EEFSEC: variants seen among roughly 807,000 people sequenced by gnomAD.
The protein encoded by EEFSEC is selenocysteine-specific elongation factor.
Under a neutral mutation model 42.1 loss-of-function variants are expected in EEFSEC, and 43 were observed. The ratio of observed to expected loss-of-function variants is 1.02; its 90% CI spans 0.80 to 1.32. The LOEUF (loss-of-function observed/expected upper bound fraction) is 1.32, where lower values mean the gene tolerates loss of function less well. Among genes scored for constraint, EEFSEC ranks in the 40% most tolerant of loss-of-function variants. The pLI is 0.00. For missense variants in EEFSEC, 745 were observed against 803.6 expected (o/e 0.93, Z 0.88); for synonymous variants, 354 against 339.1 (o/e 1.04, Z -0.48).
chr3:128,360,112 A>G (rs2067505893), intron 6 of EEFSEC, among the ~76,000 whole-genome samples: 1 of 152,198 alleles, frequency 6.6e-6, no homozygotes, highest in Non-Finnish European at 1.5e-5. Flanking sequence ...GCACCCAGCC[A>G]TGGGAGGCCT....
At chr3:128,392,142 C>A (rs1053007640) in intron 6 of EEFSEC, among the ~76,000 whole-genome samples, 4 of 152,222 alleles carry the variant, frequency 2.6e-5, no homozygotes, top group Non-Finnish European at 4.4e-5. Flanking sequence ...AGCCCTCATG[C>A]CCAGTGCTAG....
intron 4 of EEFSEC, among the ~76,000 whole-genome samples, chr3:128,275,789 C>A (rs1407251867): frequency 6.6e-6 from 1 of 152,202 alleles, no homozygotes; most frequent in East Asian, 1.9e-4. Context: ...GAGCTCCTTG[C>A]AGAGAGTCTG....
At chr3:128,237,692 A>C (rs2066027471) in intron 1 of EEFSEC, among the ~76,000 whole-genome samples, 1 of 151,612 alleles carries the variant, frequency 6.6e-6, no homozygotes, top group Non-Finnish European at 1.5e-5. Context: ...GGGGTCCAAC[A>C]CCTCTATTTG....
chr3:128,426,087 G>C, the EEFSEC span, among the ~76,000 whole-genome samples: 1 of 152,212 alleles, frequency 6.6e-6, no homozygotes, highest in Non-Finnish European at 1.5e-5. Context: ...AGGGGCTACT[G>C]TCGCCCCCAG....
chr3:128,256,718 A>T (rs2066245574), intron 2 of EEFSEC, among the ~76,000 whole-genome samples: 1 of 152,228 alleles, frequency 6.6e-6, no homozygotes, highest in African/African-American at 2.4e-5. Context: ...ATTTGGTCTG[A>T]ATACAGTTAA....
intron 1 of EEFSEC, among the ~76,000 whole-genome samples, chr3:128,218,985 G>T (rs539928500): frequency 6.6e-6 from 1 of 152,296 alleles, no homozygotes; most frequent in Non-Finnish European, 1.5e-5. Context: ...AGCGCCTGCC[G>T]TCAGGAAGCT....
intron 1 of EEFSEC, among the ~76,000 whole-genome samples, chr3:128,164,273 T>C (rs980043395): frequency 2.0e-5 from 3 of 152,216 alleles, no homozygotes; most frequent in Non-Finnish European, 4.4e-5. Flanking sequence ...TTCAAGGGGC[T>C]CACAGTCCCG....
At chr3:128,325,349 T>C (rs1282954588) in intron 4 of EEFSEC, among the ~76,000 whole-genome samples, 1 of 152,248 alleles carries the variant, frequency 6.6e-6, no homozygotes, top group East Asian at 1.9e-4. Flanking sequence ...GAGCTCCCAC[T>C]TCAGTCAGGC....
rs35594175 is a variant in EEFSEC, at chr3:128,250,911, G to GTTTTT, written c.524+3882_524+3886dup. On this transcript the variant is annotated intron_variant, in intron 2 of 6. Coordinates refer to ENST00000254730, the MANE Select transcript of EEFSEC (RefSeq NM_021937.5). ...TTTAAGTCATCTTTAGTTTTTTTTG[G>GTTTTT]TTTTTTTTTTTTTTTTTTAGCAATG... Among the ~76,000 whole-genome samples the GTTTTT allele has an allele frequency of 2.4e-3, 263 of 108,554 alleles. 8 individuals are homozygous for GTTTTT. Among genetic ancestry groups the GTTTTT allele is most frequent in the Middle Eastern group, 6.8e-3 (1 of 148 alleles). 71.2% of individuals were successfully genotyped at this position (108,554 alleles called of 152,430 possible).
intron 4 of EEFSEC, among the ~76,000 whole-genome samples, chr3:128,306,622 G>A (rs1449375103): frequency 6.6e-6 from 1 of 152,026 alleles, no homozygotes; most frequent in Non-Finnish European, 1.5e-5. Flanking sequence ...ATTTTTAAAA[G>A]TTCTAAAAAA....
At chr3:128,299,058 G>T in intron 4 of EEFSEC, among the ~76,000 whole-genome samples, 1 of 152,126 alleles carries the variant, frequency 6.6e-6, no homozygotes, top group East Asian at 1.9e-4. Flanking sequence ...TTGATATACT[G>T]ATTTCCTTTC....
chr3:128,187,082 T>A (rs1407847958), intron 1 of EEFSEC, among the ~76,000 whole-genome samples: 7 of 152,194 alleles, frequency 4.6e-5, no homozygotes, highest in Non-Finnish European at 8.8e-5. Context: ...ACCTTGAACA[T>A]GAATATGAGA....
chr3:128,196,909 C>T (rs980443066), intron 1 of EEFSEC, among the ~76,000 whole-genome samples: 1 of 152,218 alleles, frequency 6.6e-6, no homozygotes, highest in Non-Finnish European at 1.5e-5. Context: ...ACAGCAGTGG[C>T]AGCTTTGTCT....
intron 2 of EEFSEC, among the ~76,000 whole-genome samples, chr3:128,253,989 C>T (rs1383678488): frequency 6.6e-6 from 1 of 152,150 alleles, no homozygotes; most frequent in African/African-American, 2.4e-5. Context: ...TGATTTTCTT[C>T]AAGGGTTTGC....
chr3:128,363,497 G>A (rs574545944), intron 6 of EEFSEC, among the ~76,000 whole-genome samples: 1 of 152,164 alleles, frequency 6.6e-6, no homozygotes, highest in Non-Finnish European at 1.5e-5. Flanking sequence ...GGAAGGGTTG[G>A]TCATTCAGCT....
chr3:128,398,417 G>A (rs2068009129), intron 6 of EEFSEC, among the ~76,000 whole-genome samples: 1 of 151,920 alleles, frequency 6.6e-6, no homozygotes, highest in South Asian at 2.1e-4. Flanking sequence ...TGTAGGGGCA[G>A]CTTCTGAGGG....
chr3:128,277,192 C>T (rs1352342077), intron 4 of EEFSEC, among the ~76,000 whole-genome samples: 1 of 152,204 alleles, frequency 6.6e-6, no homozygotes, highest in Non-Finnish European at 1.5e-5. Flanking sequence ...TTGAGTGTTT[C>T]CTGAGTGTGC....
intron 6 of EEFSEC, among the ~76,000 whole-genome samples, chr3:128,375,034 G>T (rs1300225055): frequency 1.3e-5 from 2 of 152,172 alleles, no homozygotes; most frequent in Non-Finnish European, 2.9e-5. Context: ...TTTTGGTTTG[G>T]CCCAGCCTTT....
intron 1 of EEFSEC, among the ~76,000 whole-genome samples, chr3:128,175,643 C>G (rs1401296262): frequency 1.3e-5 from 2 of 152,142 alleles, no homozygotes; most frequent in African/African-American, 2.4e-5. Flanking sequence ...CTATGCCAGC[C>G]CAACAGAGTG....
Sources: allele counts gnomAD v4.1 joint callset (sites outside exome capture counted in the v4.1 genomes callset), GRCh38; gene constraint gnomAD v4.1.1; transcripts MANE v1.5; gene names NCBI Gene and HGNC (gene_info 2026-07-23, HGNC 2026-07-21).